Variants in MMP28 observed in about 807,000 individuals in gnomAD.
MMP28 encodes the protein matrix metalloproteinase-28.
In MMP28, 55 loss-of-function variants were observed where a neutral mutation model predicts 60.5. That is an observed-to-expected ratio of 0.91 (90% CI 0.73 to 1.14). The LOEUF is 1.14. Among genes scored for constraint, MMP28 ranks in the 50% most tolerant of loss-of-function variants. The pLI is 0.00. For missense variants in MMP28, 686 were observed against 738.3 expected (o/e 0.93, Z 0.82); for synonymous variants, 318 against 312.5 (o/e 1.02, Z -0.18).
rs144187405 is a variant in MMP28 at position 35,777,522 on chromosome 17, C to T, written c.379+1366G>A. Reference sequence around the variant, plus strand: ...AGGGGAACTGCCCACAATTTCCTTACAGGTTAGCTAAGAAATGAGAACAAA... The same window carrying T: ...AGGGGAACTGCCCACAATTTCCTTATAGGTTAGCTAAGAAATGAGAACAAA... On this transcript the variant is annotated intron_variant, in intron 3 of 7. Transcript: ENST00000605424. 2.7e-3 allele frequency among the ~76,000 whole-genome samples: 409 copies of T among 152,342 alleles called. 2 individuals are homozygous for T. Among genetic ancestry groups the T allele is most frequent in the African/African-American group, 9.5e-3 (396 of 41,578 alleles).
intron 1 of MMP28, among the ~76,000 whole-genome samples, chr17:35,780,493 G>A (rs12937439): frequency 3.9e-5 from 6 of 152,206 alleles, no homozygotes; most frequent in Non-Finnish European, 2.9e-5. Flanking sequence ...TTATTCATTC[G>A]TTAATTAATG....
At chr17:35,761,037 G>T (rs1388348376), downstream of MMP28, 2 of 1,449,428 alleles carry the variant, frequency 1.4e-6, no homozygotes, top group Non-Finnish European at 1.8e-6. Flanking sequence ...TCACCATGAA[G>T]TCCAACCTTT....
chr17:35,767,561 G>T (rs1385899017), intron 7 of MMP28, among the ~76,000 whole-genome samples, 191 bp downstream of exon 7: 1 of 152,126 alleles, frequency 6.6e-6, no homozygotes, highest in African/African-American at 2.4e-5. Context: ...TTTGACACTT[G>T]CTGCTCCCTA....
intron 3 of MMP28, among the ~76,000 whole-genome samples, chr17:35,777,697 A>G (rs191349496): frequency 6.6e-6 from 1 of 152,382 alleles, no homozygotes; most frequent in East Asian, 1.9e-4. Flanking sequence ...AAATCTTGAA[A>G]GCTGCAAAAA....
At chr17:35,784,241 C>G (rs1322617665) in intron 1 of MMP28, among the ~76,000 whole-genome samples, 1 of 149,848 alleles carries the variant, frequency 6.7e-6, no homozygotes, top group African/African-American at 2.5e-5. Flanking sequence ...CAGATCACAA[C>G]ACTGCACTCC....
At chr17:35,781,596 C>A (rs187172395) in intron 1 of MMP28, among the ~76,000 whole-genome samples, 221 of 152,278 alleles carry the variant, frequency 1.5e-3, no homozygotes, top group African/African-American at 5.2e-3. Flanking sequence ...ATTATTCTCA[C>A]CTATCACCAG....
At chr17:35,760,973 A>G, downstream of MMP28, 1 of 1,611,120 alleles carries the variant, frequency 6.2e-7, no homozygotes, top group Non-Finnish European at 8.5e-7. Context: ...GGCTGGAGGC[A>G]GGGTGGGGCT....
intron 1 of MMP28, among the ~76,000 whole-genome samples, chr17:35,781,786 C>G (rs141634158): frequency 3.3e-5 from 5 of 152,180 alleles, no homozygotes; most frequent in African/African-American, 1.2e-4. Context: ...GTTACCTATA[C>G]AGAAATAATT....
Position 35,770,282 on chromosome 17 carries a change from C to G in MMP28, c.635G>C (p.Arg212Pro), listed in dbSNP as rs1000026322. The G allele has an allele frequency of 1.9e-6, 3 of 1,554,972 alleles. No homozygotes were observed. Among genetic ancestry groups the G allele is most frequent in the African/African-American group, 2.7e-5 (2 of 73,646 alleles). The change falls in exon 5 of 8, where the codon CGC becomes CCC. Residue 212 changes from arginine to proline, a missense_variant. Arg to Pro is a moderately radical substitution (Grantham distance 103, BLOSUM62 -2). Coordinates refer to ENST00000605424, the MANE Select transcript of MMP28 (RefSeq NM_024302.5). ...TTGGTCGAAGTGCGCTTCGCCGCGG[C>G]GGGGCAGGAAGGCGTGCGCCAGGGC... ...GGALAHAFLP[R>P]RGEAHFDQDE... is the part of the protein sequence containing the mutation.
At chr17:35,784,022 T>C (rs1166448042) in intron 1 of MMP28, among the ~76,000 whole-genome samples, 1 of 152,182 alleles carries the variant, frequency 6.6e-6, no homozygotes, top group East Asian at 1.9e-4. Flanking sequence ...TAGTCATGCC[T>C]GTAATACCAG....
At chr17:35,764,303 G>A (rs1051742578), downstream of MMP28, 1 of 1,500,116 alleles carries the variant, frequency 6.7e-7, no homozygotes, top group East Asian at 2.6e-5. Flanking sequence ...GCTGCTGGGC[G>A]GCCTAACAGC....
intron 1 of MMP28, among the ~76,000 whole-genome samples, chr17:35,781,473 A>G (rs552727666): frequency 4.9e-4 from 75 of 152,310 alleles, no homozygotes; most frequent in African/African-American, 1.7e-3. Context: ...AATTGGTATA[A>G]TTGAGAACAT....
chr17:35,790,358 C>A (rs1322424487), intron 1 of MMP28, among the ~76,000 whole-genome samples: 1 of 152,150 alleles, frequency 6.6e-6, no homozygotes, highest in African/African-American at 2.4e-5. Flanking sequence ...AGCCATCACA[C>A]CCAGGCTTTT....
rs1555603342 is a variant in MMP28 at position 35,766,658 on chromosome 17, C to G, written c.1405G>C (p.Ala469Pro). The G allele has an allele frequency of 1.9e-6, 3 of 1,604,052 alleles. No homozygotes were observed. Residue 469 changes from alanine to proline, a missense_variant, in exon 8 of 8, where the codon GCC becomes CCC. Transcript: ENST00000605424. This position sits in a 1 kb window ranked among gnomAD's most constrained non-coding sequence, Gnocchi z 4.3. The stretch of plus-strand genomic sequence containing the variant: ...ATGGAGCCATCGGGCCTCGGCAGGG[C>G]GCCGCTGACCTCCTCAGGGATGCCT... ...WGGIPEEVSG[A>P]LPRPDGSIIF...
In MMP28 at chr17:35,770,153, C is replaced by A. The variant is rs1386501340; in HGVS notation, c.764G>T (p.Arg255Leu). The change falls in exon 5 of 8, where the codon CGC becomes CTC. Residue 255 changes from arginine to leucine, a missense_variant. Physicochemically the swap from Arg to Leu is moderately radical, Grantham distance 102 (BLOSUM62 -2). Transcript: ENST00000605424. Reference sequence around the variant, plus strand: ...CTTGTAGTAGGGCGCCATGAGCGCGCGCGGCGCGGGCGAGTGGGTGAGGCC... The same window carrying A: ...CTTGTAGTAGGGCGCCATGAGCGCGAGCGGCGCGGGCGAGTGGGTGAGGCC... ...TLGLTHSPAP[R>L]ALMAPYYKRL... is the part of the protein sequence containing the mutation. 1 of 1,607,298 alleles carries A rather than the reference C, an allele frequency of 6.2e-7. No individual in the cohort carries two copies. The highest frequency in any genetic ancestry group is 1.3e-5 in the African/African-American group (1 of 74,762).
chr17:35,763,897 A>AAATAAATAAAT (rs2085875311), downstream of MMP28: 15 of 654,352 alleles, frequency 2.3e-5, no homozygotes, highest in Non-Finnish European at 1.0e-5. Flanking sequence ...ACCCTGTCTC[A>AAATAAATAAAT]AAATAAATAA....
Position 35,766,027 on chromosome 17 carries a change from C to G in MMP28, c.*473G>C. 2.0e-6 allele frequency: 2 copies of G among 985,448 alleles called. No homozygotes were observed. The highest frequency in any genetic ancestry group is 2.4e-6 in the Non-Finnish European group (2 of 829,938). The allele number at this position is 985,448 out of a possible 1,614,324, so 61.0% of individuals were successfully genotyped here. A position where few individuals can be genotyped will look rare whatever the true frequency, so the allele number is the denominator to read the frequency against. On this transcript the variant is annotated 3_prime_UTR_variant, in exon 8 of 8. Transcript: ENST00000605424. The surrounding 1 kb of genome is among the most constrained non-coding windows in gnomAD (Gnocchi z 4.3). ...GCCTGTGCCTTCATCCCCATCCATGCTTCCTGGGGGTGGGGCCTCTGACTA... is the reference window on the plus strand; with the variant it reads ...GCCTGTGCCTTCATCCCCATCCATGGTTCCTGGGGGTGGGGCCTCTGACTA...
chr17:35,761,270 A>C (rs2085814563), downstream of MMP28, among the ~76,000 whole-genome samples: 2 of 150,884 alleles, frequency 1.3e-5, no homozygotes, highest in Admixed American at 1.3e-4. Flanking sequence ...CACCCAGCTA[A>C]TTTTTGTATT....
intron 1 of MMP28, among the ~76,000 whole-genome samples, chr17:35,789,347 C>T (rs1322833263): frequency 2.0e-5 from 3 of 152,196 alleles, no homozygotes; most frequent in Non-Finnish European, 4.4e-5. Context: ...ATTTAGCCCT[C>T]TTATTTTACA....
Sources: allele counts gnomAD v4.1 joint callset (sites outside exome capture counted in the v4.1 genomes callset), GRCh38; gene constraint gnomAD v4.1.1; non-coding constraint Gnocchi (gnomAD v3.1); transcripts MANE v1.5; gene names NCBI Gene and HGNC (gene_info 2026-07-23, HGNC 2026-07-21).